The following PNPT1 variants were observed in gnomAD, a reference collection of about 807,000 sequenced individuals.
The protein encoded by PNPT1 is polyribonucleotide nucleotidyltransferase 1, mitochondrial.
Under a neutral mutation model 119.5 loss-of-function variants are expected in PNPT1, and 53 were observed. The ratio of observed to expected loss-of-function variants is 0.44; its 90% CI spans 0.36 to 0.56. The LOEUF (loss-of-function observed/expected upper bound fraction) is 0.56. Among genes scored for constraint, PNPT1 ranks in the 20% least tolerant of loss-of-function variants. The pLI is 0.00. For missense variants in PNPT1, 948 were observed against 938.5 expected (o/e 1.01, Z -0.13); for synonymous variants, 357 against 322.1 (o/e 1.11, Z -1.16).
chr2:55,673,103 A>C (rs1429695977), intron 8 of PNPT1, 24 bp from the exon 9 acceptor site: 19 of 1,513,648 alleles, frequency 1.3e-5, no homozygotes, highest in Non-Finnish European at 1.7e-5. Flanking sequence ...AAAGAAAAAA[A>C]AAATGACTGC....
At chr2:55,691,177 G>A (rs1697587864) in intron 1 of PNPT1, among the ~76,000 whole-genome samples, 1 of 152,124 alleles carries the variant, frequency 6.6e-6, no homozygotes, top group South Asian at 2.1e-4. Flanking sequence ...CTACTAACGG[G>A]GCTACTGCCT....
rs764027564 is a variant in PNPT1 at position 55,643,129 on chromosome 2, G to A, written c.2069+29C>T. On this transcript the variant is annotated intron_variant, in intron 25 of 27. Transcript: ENST00000447944. ...ACCCTGTCTCTAAAGAAAGGAAAATGCTCAGCATAGTATATTACTTGATAT... is the reference window on the plus strand; with the variant it reads ...ACCCTGTCTCTAAAGAAAGGAAAATACTCAGCATAGTATATTACTTGATAT... 7 of 1,610,754 alleles carry A rather than the reference G, an allele frequency of 4.3e-6. No homozygotes were observed. In the Admixed American group the frequency reaches 1.2e-4, roughly 27 times the overall value.
chr2:55,689,330 A>C (rs1559114985), intron 1 of PNPT1, among the ~76,000 whole-genome samples: 1 of 152,234 alleles, frequency 6.6e-6, no homozygotes, highest in East Asian at 1.9e-4. Context: ...TAAGTACATA[A>C]AAATATGCTC....
At position 55,693,820 on chromosome 2, in the gene PNPT1, C is replaced by A. The variant is rs1274612757; in HGVS notation, c.4G>T (p.Ala2Ser). The change falls in exon 1 of 28, where the codon GCG becomes TCG. Residue 2 changes from alanine (A) to serine (S), a missense_variant. By Grantham distance (99) the Ala-to-Ser change is moderately conservative (BLOSUM62 1). Transcript: ENST00000447944. M[A>S]ACRYCCSCLR... ...CACGAGCAGCAGTACCTGCAGGCCG[C>A]CATGACACCCGGCACGCGGTCAACG... 6.2e-7 allele frequency: 1 copy of A among 1,613,448 alleles called. No homozygotes were observed. Among genetic ancestry groups the A allele is most frequent in the Admixed American group, 1.7e-5 (1 of 60,016 alleles).
rs1166277124 is a variant in PNPT1, at chr2:55,636,409, G to T, written c.2197-17C>A. ...GTATTTCACCTGTGTTAAAGAAACA[G>T]ATCTTCCTTTAAAGTTACAGCACAT... On this transcript the variant is annotated splice_polypyrimidine_tract_variant and intron_variant, in intron 27 of 27. Coordinates refer to ENST00000447944, the MANE Select transcript of PNPT1 (RefSeq NM_033109.5). 4.3e-6 allele frequency: 7 copies of T among 1,611,808 alleles called. No homozygotes were observed. The highest frequency in any genetic ancestry group is 5.9e-6 in the Non-Finnish European group (7 of 1,178,602).
At chr2:55,666,479 T>C (rs1696737545) in intron 13 of PNPT1, among the ~76,000 whole-genome samples, 1 of 152,176 alleles carries the variant, frequency 6.6e-6, no homozygotes, top group Non-Finnish European at 1.5e-5. Context: ...TACCAAATCA[T>C]ACATTTTAAA....
intron 5 of PNPT1, among the ~76,000 whole-genome samples, chr2:55,683,052 T>C (rs1002804265): frequency 6.6e-6 from 1 of 152,206 alleles, no homozygotes; most frequent in Non-Finnish European, 1.5e-5. Context: ...GAAAGTATTA[T>C]TCAGGAAGTA....
At chr2:55,651,315 G>A (rs1201430793) in intron 18 of PNPT1, among the ~76,000 whole-genome samples, 3 of 152,170 alleles carry the variant, frequency 2.0e-5, no homozygotes, top group Admixed American at 2.0e-4. Flanking sequence ...TGACAATGGC[G>A]GTTTTGTGGA....
At position 55,636,407 on chromosome 2, in the gene PNPT1, CAG is replaced by C. The variant is rs774251030; in HGVS notation, c.2197-17_2197-16del. 5.0e-6 allele frequency: 8 copies of C among 1,612,056 alleles called. No homozygotes were observed. The highest frequency in any genetic ancestry group is 6.8e-6 in the Non-Finnish European group (8 of 1,178,802). ...AAGTATTTCACCTGTGTTAAAGAAA[CAG>C]ATCTTCCTTTAAAGTTACAGCACAT... is the stretch of plus-strand genomic sequence containing the variant. On this transcript the variant is annotated splice_polypyrimidine_tract_variant and intron_variant, in intron 27 of 27. Coordinates refer to ENST00000447944, the MANE Select transcript of PNPT1 (RefSeq NM_033109.5).
At position 55,693,545 on chromosome 2, in the gene PNPT1, G is replaced by A. The variant is rs1406865587; in HGVS notation, c.161+118C>T. On this transcript the variant is annotated intron_variant, in intron 1 of 27. Coordinates refer to ENST00000447944, the MANE Select transcript of PNPT1 (RefSeq NM_033109.5). ...AGGGAAATTTGGAATTTAGGTTTAG[G>A]GTAAGGAGAGATTAAATAGAGCTGG... 7.7e-6 allele frequency: 11 copies of A among 1,423,486 alleles called. No homozygotes were observed. In the Admixed American group the frequency reaches 8.2e-5, roughly 11 times the overall value. 88.2% of individuals were successfully genotyped at this position (1,423,486 alleles called of 1,614,324 possible).
intron 13 of PNPT1, among the ~76,000 whole-genome samples, chr2:55,662,472 C>A (rs552876615): frequency 2.0e-5 from 3 of 151,990 alleles, no homozygotes; most frequent in Non-Finnish European, 2.9e-5. Context: ...GTCAGGAATT[C>A]GAGATCAGCC....
chr2:55,638,277 G>A (rs561735312), intron 26 of PNPT1, among the ~76,000 whole-genome samples: 77 of 149,380 alleles, frequency 5.2e-4, no homozygotes, highest in African/African-American at 1.8e-3. Context: ...ATTCCAGCCT[G>A]GGCGACAGAG....
At chr2:55,636,470 C>T (rs553699546) in intron 27 of PNPT1, 78 bp from the exon 28 acceptor site, 315 of 1,452,554 alleles carry the variant, frequency 2.2e-4, no homozygotes, top group Admixed American at 4.3e-4. Flanking sequence ...TTTAAATTTA[C>T]ATGGTCCAAA....
intron 8 of PNPT1, among the ~76,000 whole-genome samples, chr2:55,677,671 A>G (rs1018851208): frequency 2.7e-5 from 4 of 149,882 alleles, no homozygotes; most frequent in African/African-American, 9.7e-5. Flanking sequence ...AGAAGGGTTC[A>G]AACTCTAAGG....
At chr2:55,659,111 T>C (rs1696483815) in intron 15 of PNPT1, among the ~76,000 whole-genome samples, 1 of 152,060 alleles carries the variant, frequency 6.6e-6, no homozygotes, top group Non-Finnish European at 1.5e-5. Context: ...CATGCCACCA[T>C]GCTTGGCTAA....
In PNPT1 at chr2:55,643,380, G is replaced by A; in HGVS notation, c.1952C>T (p.Ala651Val). 6.2e-7 allele frequency: 1 copy of A among 1,614,162 alleles called. No homozygotes were observed. The highest frequency in any genetic ancestry group is 8.5e-7 in the Non-Finnish European group (1 of 1,180,028). The change falls in exon 24 of 28, where the codon GCA (alanine) becomes GTA (valine). Residue 651 changes from alanine (A) to valine (V), a missense_variant. By Grantham distance (64) the Ala-to-Val change is moderately conservative. Coordinates refer to ENST00000447944, the MANE Select transcript of PNPT1 (RefSeq NM_033109.5). Reference sequence around the variant, plus strand: ...CTCATGCATAGCACTGGGTGTTGGTGCAAATACAGAAAACGTTTCTTCATC... The same window carrying A: ...CTCATGCATAGCACTGGGTGTTGGTACAAATACAGAAAACGTTTCTTCATC... ...QVDEETFSVF[A>V]PTPSAMHEAR...
In PNPT1 at chr2:55,646,193, T is replaced by G. The variant is rs968823363; in HGVS notation, c.1738+66A>C. 8 of 1,413,516 alleles carry G rather than the reference T, an allele frequency of 5.7e-6. No homozygotes were observed. In the African/African-American group the frequency reaches 1.0e-4, roughly 18 times the overall value. 87.6% of individuals were successfully genotyped at this position (1,413,516 alleles called of 1,614,324 possible). ...AAGCAATATTTTATAATAAGCCTAATGAGAACTATAGTTCCCATTAGCAAA... is the reference window on the plus strand; with the variant it reads ...AAGCAATATTTTATAATAAGCCTAAGGAGAACTATAGTTCCCATTAGCAAA... On this transcript the variant is annotated intron_variant, in intron 21 of 27. Coordinates refer to ENST00000447944, the MANE Select transcript of PNPT1 (RefSeq NM_033109.5).
chr2:55,683,658 G>T, intron 5 of PNPT1, 127 bp downstream of exon 5: 41 of 636,044 alleles, frequency 6.4e-5, no homozygotes, highest in Non-Finnish European at 8.0e-5. Context: ...AAAACGTAAT[G>T]TAAAATATAA....
intron 5 of PNPT1, among the ~76,000 whole-genome samples, chr2:55,682,506 A>G (rs930891111): frequency 6.6e-6 from 1 of 152,178 alleles, no homozygotes; most frequent in Non-Finnish European, 1.5e-5. Context: ...AACAAACTTT[A>G]TACTGCAATA....
Sources: allele counts gnomAD v4.1 joint callset (sites outside exome capture counted in the v4.1 genomes callset), GRCh38; gene constraint gnomAD v4.1.1; transcripts MANE v1.5; gene names NCBI Gene and HGNC (gene_info 2026-07-23, HGNC 2026-07-21).